The following PCDHA2 variants were observed in gnomAD, a reference collection of about 807,000 sequenced individuals.
PCDHA2 encodes the protein protocadherin alpha 2.
In PCDHA2, 58 loss-of-function variants were observed where a neutral mutation model predicts 66.0. The observed-to-expected ratio is 0.88, with a 90% CI of 0.71 to 1.09. The LOEUF (loss-of-function observed/expected upper bound fraction) is 1.09. Among genes scored for constraint, PCDHA2 ranks in the 50% least tolerant of loss-of-function variants. PCDHA2 has a pLI of 0.00. For synonymous variants in PCDHA2, 634 were observed against 554.0 expected (o/e 1.14, Z -2.03); for missense variants, 1,267 against 1,242.3 (o/e 1.02, Z -0.30).
chr5:140,862,944 T>C (rs1554157274), intron 1 of PCDHA2: 3 of 542,156 alleles, frequency 5.5e-6, no homozygotes, highest in Admixed American at 3.9e-5. Flanking sequence ...GTGAGTGAGC[T>C]GGTGCGGTAT....
rs1484578726 is a variant in PCDHA2 at position 140,802,134 on chromosome 5, A to G, written c.2388+4782A>G. The stretch of plus-strand genomic sequence containing the variant: ...AAAGGGTAACATAGATTTCGAGGAA[A>G]GTAAGTCATATGAAATCCAGGTAGA... On this transcript the variant is annotated intron_variant, in intron 1 of 3. Coordinates refer to ENST00000526136, the MANE Select transcript of PCDHA2 (RefSeq NM_018905.3). The G allele has an allele frequency of 1.2e-6, 2 of 1,614,248 alleles. No homozygotes were observed. Among genetic ancestry groups the G allele is most frequent in the African/African-American group, 1.3e-5 (1 of 75,066 alleles).
chr5:140,997,668 T>TGTGTG (rs2097778571), intron 3 of PCDHA2, among the ~76,000 whole-genome samples: 1 of 148,244 alleles, frequency 6.7e-6, no homozygotes, highest in African/African-American at 2.5e-5. Flanking sequence ...ATTATACAGC[T>TGTGTG]TGTGTGTGTG....
intron 1 of PCDHA2, chr5:140,870,012 C>T (rs2051581500): frequency 6.2e-7 from 1 of 1,613,354 alleles, no homozygotes; most frequent in African/African-American, 1.3e-5. Context: ...AAGTGAGGGT[C>T]AATGGAACTT....
chr5:140,853,226 T>G (rs1465630209), intron 1 of PCDHA2: 2 of 982,912 alleles, frequency 2.0e-6, no homozygotes, highest in Non-Finnish European at 2.5e-6. Flanking sequence ...GGATTGGTAA[T>G]TTAGTCCTTC....
chr5:140,848,279 C>A, intron 1 of PCDHA2: 1 of 591,730 alleles, frequency 1.7e-6, no homozygotes, highest in Admixed American at 3.0e-5. Flanking sequence ...GAAATATGTA[C>A]TTACACTTTG....
chr5:140,858,599 T>C (rs2045504873), intron 1 of PCDHA2: 1 of 1,295,538 alleles, frequency 7.7e-7, no homozygotes, highest in Non-Finnish European at 1.1e-6. Flanking sequence ...TCCAGGAGTT[T>C]TAAAATTTTT....
intron 1 of PCDHA2, among the ~76,000 whole-genome samples, chr5:140,888,287 C>A (rs1371852276): frequency 6.6e-6 from 1 of 152,072 alleles, no homozygotes; most frequent in Non-Finnish European, 1.5e-5. Context: ...CCCCTCTACC[C>A]CCTACCCAGG....
intron 1 of PCDHA2, among the ~76,000 whole-genome samples, chr5:140,884,876 C>A (rs1554181909): frequency 6.6e-6 from 1 of 152,096 alleles, no homozygotes; most frequent in African/African-American, 2.4e-5. Context: ...ATGAAATGTG[C>A]AAAACAAGAA....
intron 1 of PCDHA2, among the ~76,000 whole-genome samples, chr5:140,895,700 A>G (rs2065117583): frequency 6.6e-6 from 1 of 152,022 alleles, no homozygotes; most frequent in Non-Finnish European, 1.5e-5. Context: ...ATATTAATTC[A>G]CTTGGGATAA....
Position 141,009,541 on chromosome 5 carries a change from A to G in PCDHA2, c.2537-86A>G. 8 of 1,530,282 alleles carry G rather than the reference A, an allele frequency of 5.2e-6. No homozygotes were observed. The South Asian group carries it at 6.6e-5, about 13-fold the overall frequency. 94.8% of individuals were successfully genotyped at this position (1,530,282 alleles called of 1,614,324 possible). Reference sequence around the variant, plus strand: ...TTTTCTGGGGAGGTTCAGCCTGCCTATGCAGTACTCCTGTACTCTACCAGC... The same window carrying G: ...TTTTCTGGGGAGGTTCAGCCTGCCTGTGCAGTACTCCTGTACTCTACCAGC... On this transcript the variant is annotated intron_variant, in intron 3 of 3. Coordinates refer to ENST00000526136, the MANE Select transcript of PCDHA2 (RefSeq NM_018905.3).
chr5:140,981,845 T>C (rs184071298), intron 2 of PCDHA2, among the ~76,000 whole-genome samples: 129 of 152,310 alleles, frequency 8.5e-4, no homozygotes, highest in Middle Eastern at 3.4e-3. Flanking sequence ...TCCCAGTTTG[T>C]ATCTCACTCC....
At chr5:140,976,470 G>A (rs1388811059) in intron 1 of PCDHA2, among the ~76,000 whole-genome samples, 3 of 152,116 alleles carry the variant, frequency 2.0e-5, no homozygotes, top group Non-Finnish European at 4.4e-5. Context: ...AGAATTGCTT[G>A]AATCCGGGAG....
Position 140,979,012 on chromosome 5 carries a change from G to A in PCDHA2, c.2447+5G>A, listed in dbSNP as rs2096831231. The A allele has an allele frequency of 1.9e-6, 3 of 1,613,794 alleles. No individual in the cohort carries two copies. Among genetic ancestry groups the A allele is most frequent in the African/African-American group, 2.7e-5 (2 of 74,926 alleles). ...CCTGAGAGCAGGCATGCACAGGTAT[G>A]TATTTCCCTCCTCATTCACTCAGAA... On this transcript the variant is annotated splice_donor_5th_base_variant and intron_variant, in intron 2 of 3. Coordinates refer to ENST00000526136, the MANE Select transcript of PCDHA2 (RefSeq NM_018905.3).
chr5:140,829,342 C>T (rs17844302), intron 1 of PCDHA2: 7 of 1,614,106 alleles, frequency 4.3e-6, no homozygotes, highest in African/African-American at 2.7e-5. Flanking sequence ...ACCGCGAGAG[C>T]GTGTCGGCCT....
chr5:140,917,960 T>C (rs531936377), intron 1 of PCDHA2, among the ~76,000 whole-genome samples: 8 of 152,316 alleles, frequency 5.3e-5, no homozygotes, highest in East Asian at 3.9e-4. Context: ...AGGAACATCA[T>C]TGAATCTGTG....
At chr5:140,883,237 T>C in intron 1 of PCDHA2, 2 of 1,614,044 alleles carry the variant, frequency 1.2e-6, no homozygotes, top group Non-Finnish European at 1.7e-6. Context: ...TGGAGGCAGT[T>C]GACAAAGGAA....
chr5:141,008,036 C>G (rs1372261299), intron 3 of PCDHA2, among the ~76,000 whole-genome samples: 1 of 151,938 alleles, frequency 6.6e-6, no homozygotes, highest in Non-Finnish European at 1.5e-5. Context: ...GTTAATCTGC[C>G]TTTTGTAACA....
rs1377792748 is a variant in PCDHA2 at position 140,968,353 on chromosome 5, C to T, written c.2389-10596C>T. ...ATGTCTCCATTAACAGTGCCAGTGGCAGCCTTTATGCTGTCAACTCCTTTG... is the reference window on the plus strand; with the variant it reads ...ATGTCTCCATTAACAGTGCCAGTGGTAGCCTTTATGCTGTCAACTCCTTTG... On this transcript the variant is annotated intron_variant, in intron 1 of 3. Coordinates refer to ENST00000526136, the MANE Select transcript of PCDHA2 (RefSeq NM_018905.3). 1.9e-6 allele frequency: 3 copies of T among 1,613,988 alleles called. No individual in the cohort carries two copies. In the African/African-American group the frequency reaches 4.0e-5, roughly 22 times the overall value.
chr5:140,810,209 A>G (rs1271368005), intron 1 of PCDHA2: 1 of 152,252 alleles, frequency 6.6e-6, no homozygotes, highest in Non-Finnish European at 1.5e-5. Flanking sequence ...GTACTATTTC[A>G]TAAATATACT....
Sources: gnomAD v4.1 joint callset for allele counts (sites outside exome capture counted in the v4.1 genomes callset) on GRCh38, gnomAD v4.1.1 for gene constraint, MANE v1.5 for transcripts, NCBI Gene and HGNC (gene_info 2026-07-23, HGNC 2026-07-21) for gene names.